The following ATF7 variants were observed in gnomAD, a reference collection of about 807,000 sequenced individuals.
ATF7 encodes cyclic AMP-dependent transcription factor ATF-7.
In ATF7, 10 loss-of-function variants were observed where a neutral mutation model predicts 50.4. The ratio of observed to expected loss-of-function variants is 0.20; its 90% confidence interval spans 0.12 to 0.34. The LOEUF (loss-of-function observed/expected upper bound fraction) is 0.34, where lower values mean the gene tolerates loss of function less well. ATF7 is among the 10% of genes least tolerant of loss of function. The pLI, the probability that ATF7 is intolerant of heterozygous loss-of-function variation, is 1.00. For missense variants in ATF7, 465 were observed against 613.9 expected, an observed-to-expected ratio of 0.76 and a Z score of 2.56; for synonymous variants, 201 against 226.4, an observed-to-expected ratio of 0.89 and a Z score of 1.01.
intron 9 of ATF7, among the ~76,000 whole-genome samples, chr12:53,525,285 G>A (rs987422878): frequency 4.6e-5 from 7 of 152,116 alleles, no homozygotes; most frequent in African/African-American, 1.2e-4. Flanking sequence ...TCCAGGAGGC[G>A]GAGGTTGCAG....
intron 9 of ATF7, among the ~76,000 whole-genome samples, chr12:53,528,364 A>G (rs1938614311): frequency 6.6e-6 from 1 of 152,172 alleles, no homozygotes; most frequent in South Asian, 2.1e-4. Context: ...GCAGTAGTTC[A>G]TGCCTGTAAT....
chr12:53,548,518 A>C (rs1447402393), intron 3 of ATF7, among the ~76,000 whole-genome samples: 1 of 148,538 alleles, frequency 6.7e-6, no homozygotes, highest in African/African-American at 2.5e-5. Context: ...TTTTTTGTAG[A>C]GATGGGGTCT....
intron 2 of ATF7, among the ~76,000 whole-genome samples, chr12:53,571,148 T>C (rs1220900860): frequency 6.6e-6 from 1 of 151,534 alleles, no homozygotes; most frequent in African/African-American, 2.4e-5. Flanking sequence ...AAGAAAGACA[T>C]AGAGATTGAA....
chr12:53,622,256 C>T (rs1229255116), intron 1 of ATF7, among the ~76,000 whole-genome samples: 3 of 151,294 alleles, frequency 2.0e-5, no homozygotes, highest in Non-Finnish European at 2.9e-5. Context: ...GAGCTGAGAT[C>T]GCACCACTGC....
chr12:53,600,363 G>A (rs1377446196), intron 2 of ATF7, among the ~76,000 whole-genome samples: 7 of 150,084 alleles, frequency 4.7e-5, no homozygotes, highest in South Asian at 2.1e-4. Context: ...TTTTTGAGAC[G>A]GAGTTTCGCT....
intron 2 of ATF7, among the ~76,000 whole-genome samples, chr12:53,556,491 C>T (rs1940760819): frequency 6.6e-6 from 1 of 152,144 alleles, no homozygotes; most frequent in African/African-American, 2.4e-5. Flanking sequence ...TCAAAGTGAT[C>T]GCCAGGCCAG....
chr12:53,620,717 C>A (rs1944346581), intron 1 of ATF7, among the ~76,000 whole-genome samples: 1 of 151,458 alleles, frequency 6.6e-6, no homozygotes, highest in African/African-American at 2.4e-5. Context: ...CCACTGCACT[C>A]TAGCCTGGGG....
Position 53,523,346 on chromosome 12 carries a change from C to T in ATF7, c.1164G>A (p.Leu388=), listed in dbSNP as rs1200884955. 1.9e-6 allele frequency: 3 copies of T among 1,614,018 alleles called. No individual in the cohort carries two copies. The highest frequency in any genetic ancestry group is 4.5e-5 in the East Asian group (2 of 44,888). Residue 388 remains leucine, a synonymous_variant, in exon 11 of 12, where the codon TTG becomes TTA. Coordinates refer to ENST00000420353, the MANE Select transcript of ATF7 (RefSeq NM_006856.3). The part of the protein sequence containing the change: ...VTLLRNEVAQ[L]KQLLLAHKDC... ...CTTTATGAGCTAACAGTAGCTGTTT[C>T]AACTGGGCCACCTCATTGCGTAGTA...
At chr12:53,542,799 A>C (rs1256494899) in intron 4 of ATF7, 9 of 461,174 alleles carry the variant, frequency 2.0e-5, no homozygotes, top group Non-Finnish European at 2.6e-5. Flanking sequence ...TTTGAAAGAC[A>C]GTAGGAACAT....
intron 4 of ATF7, among the ~76,000 whole-genome samples, chr12:53,541,481 C>T (rs1048297608): frequency 6.6e-6 from 1 of 152,094 alleles, no homozygotes; most frequent in African/African-American, 2.4e-5. Context: ...CCCCCAAGCC[C>T]CTTATTCCAT....
rs866930143 is a variant in ATF7, at chr12:53,587,848, T to A, written c.48+13105A>T. Reference sequence around the variant, plus strand: ...ATATATATATATATATATATATTTTTTTTTTTTTTTCTTTTTGACACGAAG... The same window carrying A: ...ATATATATATATATATATATATTTTATTTTTTTTTTCTTTTTGACACGAAG... On this transcript the variant is annotated intron_variant, in intron 2 of 11. Transcript: ENST00000420353. 0.012 allele frequency among the ~76,000 whole-genome samples: 1,522 copies of A among 124,940 alleles called. 62 individuals carry two copies. The East Asian group carries it at 0.17, about 14-fold the overall frequency. 82.0% of individuals were successfully genotyped at this position (124,940 alleles called of 152,430 possible).
intron 2 of ATF7, among the ~76,000 whole-genome samples, chr12:53,581,123 T>C (rs1039085520): frequency 6.7e-6 from 1 of 149,146 alleles, no homozygotes; most frequent in African/African-American, 2.5e-5. Context: ...AAAAAAAAAA[T>C]AAATAAAAAA....
intron 9 of ATF7, among the ~76,000 whole-genome samples, chr12:53,527,033 C>T (rs940696497): frequency 2.6e-5 from 4 of 151,640 alleles, no homozygotes; most frequent in Non-Finnish European, 4.4e-5. Context: ...GTGGCGCATG[C>T]CTGTAATTCC....
At chr12:53,569,591 G>A (rs1941634579) in intron 2 of ATF7, among the ~76,000 whole-genome samples, 2 of 152,012 alleles carry the variant, frequency 1.3e-5, no homozygotes, top group African/African-American at 4.8e-5. Context: ...CCCCTATAAG[G>A]CAGTGAATAC....
Position 53,543,195 on chromosome 12 carries a change from TCTGGTTTTA to T in ATF7, c.264+126_264+134del, listed in dbSNP as rs747768245. The T allele has an allele frequency of 1.6e-5, 25 of 1,544,260 alleles. No individual in the cohort carries two copies. In the African/African-American group the frequency reaches 2.2e-4, roughly 14 times the overall value. On this transcript the variant is annotated intron_variant, in intron 4 of 11. Transcript: ENST00000420353. ...GGCTGACTGGGATTAGTGACTACTA[TCTGGTTTTA>T]CTGGTTTTACTCTACTAAGCCCATG...
chr12:53,551,664 A>G (rs1034828735), intron 3 of ATF7, among the ~76,000 whole-genome samples: 2 of 152,204 alleles, frequency 1.3e-5, no homozygotes. Flanking sequence ...AAGTATGATG[A>G]GGAAGTTCTG....
intron 2 of ATF7, among the ~76,000 whole-genome samples, chr12:53,591,758 T>C (rs1336732430): frequency 6.6e-6 from 1 of 152,182 alleles, no homozygotes; most frequent in Non-Finnish European, 1.5e-5. Context: ...TGGAATAACA[T>C]AAATGGCTCT....
intron 1 of ATF7, among the ~76,000 whole-genome samples, chr12:53,624,823 G>C (rs373467615): frequency 1.3e-5 from 2 of 152,200 alleles, no homozygotes; most frequent in East Asian, 3.8e-4. Flanking sequence ...CATTATGTAA[G>C]TTAACTAAAA....
At chr12:53,539,398 C>G (rs920233916) in intron 4 of ATF7, among the ~76,000 whole-genome samples, 3 of 151,892 alleles carry the variant, frequency 2.0e-5, no homozygotes, top group Non-Finnish European at 4.4e-5. Flanking sequence ...GTGCAAATAG[C>G]AAAACCCTTT....
Sources: gnomAD v4.1 joint callset for allele counts (sites outside exome capture counted in the v4.1 genomes callset) on GRCh38, gnomAD v4.1.1 for gene constraint, MANE v1.5 for transcripts, NCBI Gene and HGNC (gene_info 2026-07-23, HGNC 2026-07-21) for gene names.